The following GATB variants were observed in gnomAD, a reference collection of about 807,000 sequenced individuals.
GATB encodes glutamyl-tRNA amidotransferase subunit B.
Under a neutral mutation model 62.3 loss-of-function variants are expected in GATB, and 39 were observed. The ratio of observed to expected loss-of-function variants is 0.63; its 90% CI spans 0.48 to 0.82. The LOEUF is 0.82. GATB is among the 40% of genes least tolerant of loss of function. The probability of loss-of-function intolerance (pLI) is 0.00; values close to 1 mark genes in which losing one functional copy is unlikely to be tolerated. For synonymous variants in GATB, 276 were observed against 258.9 expected (o/e 1.07, Z -0.63); for missense variants, 670 against 684.0 (o/e 0.98, Z 0.23).
intron 2 of GATB, chr4:151,722,075 A>G: frequency 1.6e-6 from 1 of 641,200 alleles, no homozygotes; most frequent in Non-Finnish European, 2.8e-6. Context: ...GTAAACAGAG[A>G]GTGTCAGTTA....
chr4:151,731,253 T>C (rs373220438), intron 2 of GATB, among the ~76,000 whole-genome samples: 3 of 152,188 alleles, frequency 2.0e-5, no homozygotes, highest in African/African-American at 4.8e-5. Flanking sequence ...TGCCTGCCAT[T>C]GCGGGCGCGC....
intron 2 of GATB, among the ~76,000 whole-genome samples, chr4:151,729,888 G>C (rs974499166): frequency 3.3e-5 from 5 of 152,204 alleles, no homozygotes; most frequent in African/African-American, 1.2e-4. Context: ...GGCAGGACTA[G>C]ATTGCAGCTC....
intron 3 of GATB, chr4:151,717,287 C>T: frequency 1.8e-6 from 1 of 568,792 alleles, no homozygotes; most frequent in Non-Finnish European, 3.1e-6. Context: ...TTCACCCTCC[C>T]CAAATCCTCC....
rs980860318 is a variant in GATB, at chr4:151,758,927, G to C, written c.177-5C>G. ...ACAGCAGCCCATTTGTGTTCACTAA[G>C]AAGAAAGAGATAATGGTTAAGATGT... On this transcript the variant is annotated splice_region_variant and splice_polypyrimidine_tract_variant and intron_variant, in intron 1 of 12. Coordinates refer to ENST00000263985, the MANE Select transcript of GATB (RefSeq NM_004564.3). 7 of 1,591,736 alleles carry C rather than the reference G, an allele frequency of 4.4e-6. No individual in the cohort carries two copies. Among genetic ancestry groups the C allele is most frequent in the Non-Finnish European group, 6.0e-6 (7 of 1,169,352 alleles).
At chr4:151,719,397 A>G in intron 3 of GATB, 28 bp downstream of exon 3, 1 of 1,507,990 alleles carries the variant, frequency 6.6e-7, no homozygotes, top group Non-Finnish European at 9.2e-7. Flanking sequence ...GAGAACTTGC[A>G]GTGGGGTGGA....
Position 151,670,919 on chromosome 4 carries a change from C to A in GATB, c.*255G>T. 2.3e-6 allele frequency: 1 copy of A among 433,672 alleles called. No individual in the cohort carries two copies. Among genetic ancestry groups the A allele is most frequent in the Non-Finnish European group, 4.1e-6 (1 of 242,188 alleles). 26.9% of individuals were successfully genotyped at this position (433,672 alleles called of 1,614,324 possible). A position where few individuals can be genotyped will look rare whatever the true frequency, so the allele number is the denominator to read the frequency against. On this transcript the variant is annotated 3_prime_UTR_variant, in exon 13 of 13. Coordinates refer to ENST00000263985, the MANE Select transcript of GATB (RefSeq NM_004564.3). ...ATACAAGAAGGTGTTACTCCTTAACCACTGCTGCAGCCTCACCGGACCCTC... is the reference window on the plus strand; with the variant it reads ...ATACAAGAAGGTGTTACTCCTTAACAACTGCTGCAGCCTCACCGGACCCTC...
chr4:151,695,108 A>G (rs1325187775), intron 9 of GATB, among the ~76,000 whole-genome samples: 1 of 152,140 alleles, frequency 6.6e-6, no homozygotes, highest in Non-Finnish European at 1.5e-5. Flanking sequence ...ACATCTTCCT[A>G]CAGTCTCACT....
At chr4:151,720,320 T>C (rs1209664784) in intron 2 of GATB, 1 of 152,264 alleles carries the variant, frequency 6.6e-6, no homozygotes, top group Non-Finnish European at 1.5e-5. Flanking sequence ...GAGCATTAAG[T>C]TCTCGAGTCA....
intron 2 of GATB, among the ~76,000 whole-genome samples, chr4:151,746,324 C>T (rs1161663972): frequency 6.6e-6 from 1 of 152,232 alleles, no homozygotes; most frequent in African/African-American, 2.4e-5. Flanking sequence ...AAGCCCATGA[C>T]ATTTTACCAA....
In GATB at chr4:151,707,994, C is replaced by G; in HGVS notation, c.871G>C (p.Ala291Pro). ...AGCGGCAGCTGGCATTCACCTATGG[C>G]TTTGGCCAGGAACCTGATGCTGTTG... is the stretch of plus-strand genomic sequence containing the variant. ...NLNSIRFLAK[A>P]IDYEIQRQIN... Residue 291 changes from alanine (A) to proline (P), a missense_variant, in exon 6 of 13, where the codon GCC becomes CCC. Coordinates refer to ENST00000263985, the MANE Select transcript of GATB (RefSeq NM_004564.3). 1 of 1,609,336 alleles carries G rather than the reference C, an allele frequency of 6.2e-7. No individual in the cohort carries two copies. Among genetic ancestry groups the G allele is most frequent in the Non-Finnish European group, 8.5e-7 (1 of 1,175,592 alleles).
At chr4:151,743,807 G>A (rs1739543492) in intron 2 of GATB, among the ~76,000 whole-genome samples, 1 of 152,176 alleles carries the variant, frequency 6.6e-6, no homozygotes, top group Non-Finnish European at 1.5e-5. Context: ...TCTTTTGTAG[G>A]ACAGGTTTCT....
rs187573659 is a variant in GATB, at chr4:151,676,262, G to C, written c.1411-3366C>G. 6.6e-5 allele frequency: 10 copies of C among 152,304 alleles called. No individual in the cohort carries two copies. The East Asian group carries it at 1.7e-3, about 26-fold the overall frequency. 9.4% of individuals were successfully genotyped at this position (152,304 alleles called of 1,614,324 possible). A position where few individuals can be genotyped will look rare whatever the true frequency, so the allele number is the denominator to read the frequency against. ...ATATATAACATTTTGTACATTAAAAGGTTTTTGGCGATTTCTCTTTAAAGC... is the reference window on the plus strand; with the variant it reads ...ATATATAACATTTTGTACATTAAAACGTTTTTGGCGATTTCTCTTTAAAGC... On this transcript the variant is annotated intron_variant, in intron 11 of 12. Coordinates refer to ENST00000263985, the MANE Select transcript of GATB (RefSeq NM_004564.3).
At position 151,685,154 on chromosome 4, in the gene GATB, G is replaced by A. The variant is rs183679335; in HGVS notation, c.1331+3476C>T. 1.7e-3 allele frequency among the ~76,000 whole-genome samples: 262 copies of A among 152,318 alleles called. 1 individual carries two copies. Among genetic ancestry groups the A allele is most frequent in the African/African-American group, 5.8e-3 (241 of 41,574 alleles). On this transcript the variant is annotated intron_variant, in intron 10 of 12. Transcript: ENST00000263985. Reference sequence around the variant, plus strand: ...ATAGAAAAACTAAGTTTAAAGCTAAGAAATTTCTATTTCCTCCAGAAGCGC... The same window carrying A: ...ATAGAAAAACTAAGTTTAAAGCTAAAAAATTTCTATTTCCTCCAGAAGCGC...
At chr4:151,758,745 G>A (rs1739889111) in intron 2 of GATB, 27 bp downstream of exon 2, 5 of 1,474,212 alleles carry the variant, frequency 3.4e-6, no homozygotes, top group South Asian at 1.4e-5. Context: ...TTTTTCTAAT[G>A]AAAATAGGAT....
intron 9 of GATB, among the ~76,000 whole-genome samples, chr4:151,697,441 G>C (rs1738491318): frequency 6.6e-6 from 1 of 151,882 alleles, no homozygotes; most frequent in African/African-American, 2.4e-5. Flanking sequence ...CAGGGACACA[G>C]AGTGTGGAAT....
At chr4:151,697,680 T>C (rs1738497017) in intron 9 of GATB, among the ~76,000 whole-genome samples, 1 of 148,642 alleles carries the variant, frequency 6.7e-6, no homozygotes, top group African/African-American at 2.4e-5. Flanking sequence ...AATTTATATA[T>C]ATAGAAAAGC....
chr4:151,751,405 A>T (rs1463537821), intron 2 of GATB, among the ~76,000 whole-genome samples: 1 of 152,182 alleles, frequency 6.6e-6, no homozygotes, highest in Non-Finnish European at 1.5e-5. Context: ...AAACAAAACA[A>T]AACACAAATA....
chr4:151,754,484 T>C (rs1170324980), intron 2 of GATB, among the ~76,000 whole-genome samples: 2 of 152,130 alleles, frequency 1.3e-5, no homozygotes, highest in African/African-American at 4.8e-5. Flanking sequence ...CCCATATCTA[T>C]CGTCTACCAA....
chr4:151,732,887 A>G (rs1739297375), intron 2 of GATB, among the ~76,000 whole-genome samples: 1 of 151,964 alleles, frequency 6.6e-6, no homozygotes, highest in Non-Finnish European at 1.5e-5. Flanking sequence ...AAACTAAAAA[A>G]TTCAGGAAAC....
Sources: gnomAD v4.1 joint callset for allele counts (sites outside exome capture counted in the v4.1 genomes callset) on GRCh38, gnomAD v4.1.1 for gene constraint, MANE v1.5 for transcripts, NCBI Gene and HGNC (gene_info 2026-07-23, HGNC 2026-07-21) for gene names.